Variants in ZPLD1 observed in about 807,000 individuals in gnomAD.
ZPLD1 encodes zona pellucida-like domain-containing protein 1.
A neutral mutation model predicts 47.2 loss-of-function variants in ZPLD1; 34 were observed. The observed-to-expected ratio is 0.72, with a 90% CI of 0.55 to 0.96. The LOEUF (loss-of-function observed/expected upper bound fraction) is 0.96. Among genes scored for constraint, ZPLD1 ranks in the 40% least tolerant of loss-of-function variants. The pLI is 0.00. For synonymous variants in ZPLD1, 176 were observed against 186.2 expected (o/e 0.95, Z 0.45); for missense variants, 512 against 505.8 (o/e 1.01, Z -0.12).
intron 3 of ZPLD1, among the ~76,000 whole-genome samples, chr3:102,442,454 C>T (rs1010199578): frequency 1.3e-5 from 2 of 151,774 alleles, no homozygotes; most frequent in African/African-American, 2.4e-5. Context: ...GCTGAAGTCC[C>T]GGGAGAGACT....
intron 10 of ZPLD1, among the ~76,000 whole-genome samples, chr3:102,475,500 T>C (rs1246813819): frequency 2.0e-5 from 3 of 152,210 alleles, no homozygotes; most frequent in African/African-American, 7.2e-5. Context: ...AAAATAAATT[T>C]TTAGCATTAT....
intron 7 of ZPLD1, among the ~76,000 whole-genome samples, chr3:102,410,045 A>C (rs1193172598): frequency 6.6e-6 from 1 of 151,854 alleles, no homozygotes; most frequent in Non-Finnish European, 1.5e-5. Flanking sequence ...CAGACTACTG[A>C]TCATATTCAT....
rs1015720528 is a variant in ZPLD1, at chr3:102,448,115, A to G, written c.107-4804A>G. ...ACAGAACATTATTTTTACCCTATTC[A>G]GTTGAATATTCAATTATTGTTAATT... On this transcript the variant is annotated intron_variant, in intron 3 of 11. Transcript: ENST00000466937. Among the ~76,000 whole-genome samples the G allele has an allele frequency of 3.3e-5, 5 of 152,322 alleles. No individual in the cohort carries two copies. The South Asian group carries it at 1.0e-3, about 32-fold the overall frequency.
At chr3:102,399,786 A>AT (rs1706598671) in intron 7 of ZPLD1, among the ~76,000 whole-genome samples, 1 of 151,834 alleles carries the variant, frequency 6.6e-6, no homozygotes, top group African/African-American at 2.4e-5. Flanking sequence ...TTTTTGATAG[A>AT]TTTTTCCAAG....
At position 102,457,771 on chromosome 3, in the gene ZPLD1, T is replaced by C. The variant is rs771083546; in HGVS notation, c.510-10T>C. ...TCATCAGTGCTTTCCTTTTTCTAAA[T>C]GTGTTTTAGGTCCTCAGCGGCTATT... On this transcript the variant is annotated splice_polypyrimidine_tract_variant and intron_variant, in intron 5 of 11. Coordinates refer to ENST00000466937, the MANE Select transcript of ZPLD1 (RefSeq NM_001329788.2). 6 of 1,613,670 alleles carry C rather than the reference T, an allele frequency of 3.7e-6. No individual in the cohort carries two copies. The highest frequency in any genetic ancestry group is 1.7e-6 in the Non-Finnish European group (2 of 1,179,684).
At chr3:102,474,434 T>TG (rs1707728386) in intron 10 of ZPLD1, among the ~76,000 whole-genome samples, 1 of 152,190 alleles carries the variant, frequency 6.6e-6, no homozygotes. Flanking sequence ...GTCTAGGAAC[T>TG]GGGAGTATAG....
chr3:102,470,605 T>C, intron 10 of ZPLD1, 103 bp downstream of exon 10: 1 of 814,510 alleles, frequency 1.2e-6, no homozygotes, highest in Non-Finnish European at 2.0e-6. Context: ...CAGCACTAAT[T>C]AATTGTGAGA....
At chr3:102,441,011 C>T (rs1707168813) in intron 3 of ZPLD1, among the ~76,000 whole-genome samples, 1 of 152,114 alleles carries the variant, frequency 6.6e-6, no homozygotes, top group Non-Finnish European at 1.5e-5. Flanking sequence ...GATAAAGCCA[C>T]AGTTGGAGAA....
At chr3:102,462,473 T>A in intron 7 of ZPLD1, 95 bp downstream of exon 7, 1 of 732,850 alleles carries the variant, frequency 1.4e-6, no homozygotes, top group Non-Finnish European at 2.2e-6. Flanking sequence ...TTAAATTCAG[T>A]TTGAAAATAT....
At chr3:102,420,761 C>T (rs1232221138) in intron 8 of ZPLD1, among the ~76,000 whole-genome samples, 1 of 151,704 alleles carries the variant, frequency 6.6e-6, no homozygotes, top group East Asian at 1.9e-4. Flanking sequence ...TATCCTAGAA[C>T]ATGAAGAAAT....
At position 102,478,257 on chromosome 3, in the gene ZPLD1, G is replaced by A. The variant is rs933760411; in HGVS notation, c.*639G>A. 10 of 152,156 alleles carry A rather than the reference G, an allele frequency of 6.6e-5. No individual in the cohort carries two copies. The highest frequency in any genetic ancestry group is 2.4e-4 in the African/African-American group (10 of 41,418). 9.4% of individuals were successfully genotyped at this position (152,156 alleles called of 1,614,324 possible). ...AGTGAAAATAGTTGTTAGCTTCCAA[G>A]GCTACTGCTAAGTGGCCCTAGATCA... On this transcript the variant is annotated 3_prime_UTR_variant, in exon 12 of 12. Coordinates refer to ENST00000466937, the MANE Select transcript of ZPLD1 (RefSeq NM_001329788.2).
chr3:102,414,955 C>T (rs1458716004), intron 7 of ZPLD1, among the ~76,000 whole-genome samples: 1 of 151,842 alleles, frequency 6.6e-6, no homozygotes, highest in Non-Finnish European at 1.5e-5. Context: ...TATCAACTAA[C>T]AATTCATGCT....
Position 102,450,997 on chromosome 3 carries a change from T to C in ZPLD1, c.107-1922T>C, listed in dbSNP as rs541513144. 2.0e-5 allele frequency among the ~76,000 whole-genome samples: 3 copies of C among 152,356 alleles called. No homozygotes were observed. The South Asian group carries it at 6.2e-4, about 32-fold the overall frequency. ...TACTTCATAATTAATTCATTATTTT[T>C]CCACCAACAAAGGAAATATTGCGTC... On this transcript the variant is annotated intron_variant, in intron 3 of 11. Transcript: ENST00000466937.
At chr3:102,474,850 G>T (rs181779626) in intron 10 of ZPLD1, among the ~76,000 whole-genome samples, 1 of 151,988 alleles carries the variant, frequency 6.6e-6, no homozygotes, top group African/African-American at 2.4e-5. Context: ...ATTCCAGAAG[G>T]CTTCAGGTGT....
chr3:102,423,548 T>A (rs1285878943), intron 8 of ZPLD1, among the ~76,000 whole-genome samples: 1 of 152,140 alleles, frequency 6.6e-6, no homozygotes, highest in Non-Finnish European at 1.5e-5. Context: ...CCATAATGAT[T>A]TTTAAAAATA....
At chr3:102,418,431 G>A (rs1174721567) in intron 8 of ZPLD1, among the ~76,000 whole-genome samples, 1 of 151,866 alleles carries the variant, frequency 6.6e-6, no homozygotes, top group Non-Finnish European at 1.5e-5. Flanking sequence ...CCCCTACTTG[G>A]GTGCAGGAAG....
At chr3:102,431,520 CAAGATA>C (rs1190462466), upstream of ZPLD1, among the ~76,000 whole-genome samples, 1 of 152,000 alleles carries the variant, frequency 6.6e-6, no homozygotes, top group Non-Finnish European at 1.5e-5. Context: ...TGTGCAAGTG[CAAGATA>C]AAGATAAAGA....
chr3:102,457,765 T>C lies in ZPLD1; in HGVS notation c.510-16T>C. On this transcript the variant is annotated splice_polypyrimidine_tract_variant and intron_variant, in intron 5 of 11. Transcript: ENST00000466937. ...AAAATCTCATCAGTGCTTTCCTTTT[T>C]CTAAATGTGTTTTAGGTCCTCAGCG... 1.9e-6 allele frequency: 3 copies of C among 1,613,500 alleles called. No homozygotes were observed. The highest frequency in any genetic ancestry group is 2.5e-6 in the Non-Finnish European group (3 of 1,179,576).
In ZPLD1 at chr3:102,457,715, A is replaced by G. The variant is rs1356240229; in HGVS notation, c.510-66A>G. 7 of 1,430,170 alleles carry G rather than the reference A, an allele frequency of 4.9e-6. No individual in the cohort carries two copies. The African/African-American group carries it at 8.5e-5, about 17-fold the overall frequency. 88.6% of individuals were successfully genotyped at this position (1,430,170 alleles called of 1,614,324 possible). A position where few individuals can be genotyped will look rare whatever the true frequency, so the allele number is the denominator to read the frequency against. Reference sequence around the variant, plus strand: ...TCAGGAGTTTTAGTGCTTTAAGTCTAACATCTAGGTATCACTTTTACTCTA... The same window carrying G: ...TCAGGAGTTTTAGTGCTTTAAGTCTGACATCTAGGTATCACTTTTACTCTA... On this transcript the variant is annotated intron_variant, in intron 5 of 11. Transcript: ENST00000466937.
Sources: gnomAD v4.1 joint callset for allele counts (sites outside exome capture counted in the v4.1 genomes callset) on GRCh38, gnomAD v4.1.1 for gene constraint, MANE v1.5 for transcripts, NCBI Gene and HGNC (gene_info 2026-07-23, HGNC 2026-07-21) for gene names.